The following VCAN variants were observed in gnomAD, a reference collection of about 807,000 sequenced individuals.
VCAN encodes versican, also known as versican core protein.
VCAN carries 44 observed loss-of-function variants against 245.5 expected under a neutral mutation model. The observed-to-expected ratio is 0.18, with a 90% confidence interval of 0.14 to 0.23. The LOEUF (loss-of-function observed/expected upper bound fraction) is 0.23. Among genes scored for constraint, VCAN ranks in the 10% least tolerant of loss-of-function variants. The pLI is 1.00. For missense variants in VCAN, 3,793 were observed against 4,057.9 expected, an observed-to-expected ratio of 0.93 and a Z score of 1.77; for synonymous variants, 1,413 against 1,437.0, an observed-to-expected ratio of 0.98 and a Z score of 0.38.
At chr5:83,529,016 A>ACACACG (rs1746414450) in intron 7 of VCAN, among the ~76,000 whole-genome samples, 1 of 151,562 alleles carries the variant, frequency 6.6e-6, no homozygotes, top group Admixed American at 6.6e-5. Context: ...ACACACACAC[A>ACACACG]CACACACACA....
At chr5:83,476,247 G>A (rs1744384333) in intron 1 of VCAN, among the ~76,000 whole-genome samples, 1 of 152,242 alleles carries the variant, frequency 6.6e-6, no homozygotes, top group Non-Finnish European at 1.5e-5. Context: ...TGGCAACTAA[G>A]CCCTCCTTTC....
chr5:83,533,648 T>C (rs1349103232), intron 7 of VCAN, among the ~76,000 whole-genome samples: 1 of 152,160 alleles, frequency 6.6e-6, no homozygotes, highest in Non-Finnish European at 1.5e-5. Context: ...GTTTGTGAAA[T>C]GTATGCAAAG....
intron 13 of VCAN, among the ~76,000 whole-genome samples, chr5:83,575,156 A>T (rs1748426313): frequency 6.6e-6 from 1 of 152,202 alleles, no homozygotes; most frequent in African/African-American, 2.4e-5. Flanking sequence ...TTTAGGAAAG[A>T]TTTAAACCCC....
intron 12 of VCAN, among the ~76,000 whole-genome samples, chr5:83,565,428 T>C (rs1000916989): frequency 1.7e-4 from 15 of 90,446 alleles, no homozygotes; most frequent in African/African-American, 5.8e-4. Context: ...TGTGTGTGTA[T>C]GTGTGAGAGA....
chr5:83,525,037 A>G (rs1746240017), intron 7 of VCAN, among the ~76,000 whole-genome samples: 1 of 146,878 alleles, frequency 6.8e-6, no homozygotes, highest in South Asian at 2.2e-4. Context: ...AGCGAGTCAT[A>G]TAAATCTTGT....
At chr5:83,504,238 A>T (rs1326361635) in intron 5 of VCAN, among the ~76,000 whole-genome samples, 2 of 152,200 alleles carry the variant, frequency 1.3e-5, no homozygotes, top group African/African-American at 2.4e-5. Context: ...ATAAGTATTT[A>T]ATTTGAAATT....
At chr5:83,501,276 C>T (rs574561005) in intron 5 of VCAN, among the ~76,000 whole-genome samples, 1 of 152,118 alleles carries the variant, frequency 6.6e-6, no homozygotes, top group South Asian at 2.1e-4. Context: ...CTTGATAAGG[C>T]CCTTTGAAGC....
At chr5:83,473,944 T>C (rs904822505) in intron 1 of VCAN, among the ~76,000 whole-genome samples, 5 of 152,102 alleles carry the variant, frequency 3.3e-5, no homozygotes, top group African/African-American at 1.2e-4. Flanking sequence ...GCGAGTCGGC[T>C]GGAACGCACG....
chr5:83,521,888 A>C lies in VCAN; in HGVS notation c.3582A>C (p.Ile1194=). ...AAAAGCCCAAAGCCACAGAACTCAT[A>C]GAATTTTCAACAATCAAAGTCACAG... ...LFEKPKATEL[I]EFSTIKVTVP... Residue 1194 remains isoleucine, a synonymous_variant, in exon 7 of 15, where the codon ATA becomes ATC. Transcript: ENST00000265077. 6.2e-7 allele frequency: 1 copy of C among 1,614,226 alleles called. No homozygotes were observed.
chr5:83,499,443 C>T (rs1043776246), intron 5 of VCAN, among the ~76,000 whole-genome samples: 2 of 152,238 alleles, frequency 1.3e-5, no homozygotes, highest in East Asian at 3.9e-4. Context: ...ACCTTTGTCT[C>T]TTCTGGAAAC....
chr5:83,545,870 G>A (rs912840804), intron 9 of VCAN, among the ~76,000 whole-genome samples: 1 of 152,130 alleles, frequency 6.6e-6, no homozygotes, highest in East Asian at 1.9e-4. Context: ...AGTGAGGCCT[G>A]CTGAGTCTTC....
intron 6 of VCAN, among the ~76,000 whole-genome samples, chr5:83,516,067 C>T (rs1270323087): frequency 1.3e-5 from 2 of 152,186 alleles, no homozygotes; most frequent in Admixed American, 1.3e-4. Context: ...CCCATCTCTA[C>T]TAAAAATACA....
chr5:83,572,635 C>A (rs1392595663), intron 13 of VCAN, 75 bp downstream of exon 13: 2 of 1,581,620 alleles, frequency 1.3e-6, no homozygotes, highest in African/African-American at 1.4e-5. Context: ...ATTTGTGTCT[C>A]AAATTCATTG....
intron 2 of VCAN, among the ~76,000 whole-genome samples, chr5:83,487,744 G>T (rs941430888): frequency 1.3e-5 from 2 of 152,026 alleles, no homozygotes; most frequent in African/African-American, 2.4e-5. Context: ...TTGGGAAATT[G>T]CTTTTTAAAG....
chr5:83,540,661 A>G lies in VCAN; in HGVS notation c.7658A>G (p.Asp2553Gly). The change falls in exon 8 of 15, where the codon GAT (aspartate) becomes GGT (glycine). Residue 2553 changes from aspartate (D) to glycine (G), a missense_variant. By Grantham distance (94) the Asp-to-Gly change is moderately conservative. Coordinates refer to ENST00000265077, the MANE Select transcript of VCAN (RefSeq NM_004385.5). ...IIIDLDKEDK[D>G]LILTITESTI... ...ATAGACCTGGACAAAGAGGACAAGG[A>G]TTTAATATTGACAATTACAGAGAGT... 6.2e-7 allele frequency: 1 copy of G among 1,613,964 alleles called. No homozygotes were observed. Among genetic ancestry groups the G allele is most frequent in the Non-Finnish European group, 8.5e-7 (1 of 1,179,966 alleles).
chr5:83,546,535 C>T (rs1437640608), intron 9 of VCAN, among the ~76,000 whole-genome samples: 1 of 151,304 alleles, frequency 6.6e-6, no homozygotes, highest in Non-Finnish European at 1.5e-5. Flanking sequence ...GTGGGCGAAT[C>T]GCTTGATCCC....
intron 5 of VCAN, among the ~76,000 whole-genome samples, chr5:83,505,051 C>A (rs1162662255): frequency 1.3e-5 from 2 of 152,118 alleles, no homozygotes. Context: ...TTACCTCCCC[C>A]TGGGTCCCTC....
chr5:83,546,729 T>C (rs1381400316), intron 9 of VCAN, among the ~76,000 whole-genome samples: 1 of 152,144 alleles, frequency 6.6e-6, no homozygotes, highest in Admixed American at 6.5e-5. Flanking sequence ...GGTGACAAAG[T>C]GTCTGGCACT....
chr5:83,567,082 A>T (rs1056753620), intron 12 of VCAN, among the ~76,000 whole-genome samples: 2 of 152,182 alleles, frequency 1.3e-5, no homozygotes, highest in African/African-American at 4.8e-5. Context: ...CTGAAAAGTG[A>T]CTGATTCCAG....
Sources: gnomAD v4.1 joint callset for allele counts (sites outside exome capture counted in the v4.1 genomes callset) on GRCh38, gnomAD v4.1.1 for gene constraint, MANE v1.5 for transcripts, NCBI Gene and HGNC (gene_info 2026-07-23, HGNC 2026-07-21) for gene names.